The following ZGRF1 variants were observed in gnomAD, a reference collection of about 807,000 sequenced individuals.
The protein encoded by ZGRF1 is 5'-3' DNA helicase ZGRF1.
ZGRF1 carries 196 observed loss-of-function variants against 203.5 expected under a neutral mutation model. The observed-to-expected ratio is 0.96, with a 90% CI of 0.86 to 1.08. The LOEUF is 1.08. Ranked by LOEUF, ZGRF1 falls within the 50% of genes least tolerant of loss-of-function variation. ZGRF1 has a pLI of 0.00. For missense variants in ZGRF1, 2,326 were observed against 2,416.3 expected (o/e 0.96, Z 0.78); for synonymous variants, 809 against 841.3 (o/e 0.96, Z 0.66).
rs1470977707 is a variant in ZGRF1, at chr4:112,539,537, C to A, written c.*10G>T. ...TTTACATAAATACAAAATATTTACACCATGTCTTTTTATGAATGAGATTTA... is the reference window on the plus strand; with the variant it reads ...TTTACATAAATACAAAATATTTACAACATGTCTTTTTATGAATGAGATTTA... On this transcript the variant is annotated 3_prime_UTR_variant, in exon 28 of 28. Coordinates refer to ENST00000505019, the MANE Select transcript of ZGRF1 (RefSeq NM_018392.5). The A allele has an allele frequency of 4.9e-6, 6 of 1,227,796 alleles. No homozygotes were observed. Among genetic ancestry groups the A allele is most frequent in the Non-Finnish European group, 7.0e-6 (6 of 861,402 alleles). 76.1% of individuals were successfully genotyped at this position (1,227,796 alleles called of 1,614,324 possible).
At chr4:112,584,742 A>G (rs1287048246) in intron 14 of ZGRF1, among the ~76,000 whole-genome samples, 5 of 152,212 alleles carry the variant, frequency 3.3e-5, no homozygotes, top group African/African-American at 1.2e-4. Flanking sequence ...TTTGACACCT[A>G]AATTTAAATC....
At chr4:112,546,861 G>A (rs1738877955) in intron 24 of ZGRF1, 1 of 152,530 alleles carries the variant, frequency 6.6e-6, no homozygotes, top group Non-Finnish European at 1.5e-5. Context: ...AGAACTATAA[G>A]AAATAAATCT....
At chr4:112,543,486 C>T (rs910842088) in intron 24 of ZGRF1, among the ~76,000 whole-genome samples, 13 of 152,114 alleles carry the variant, frequency 8.5e-5, no homozygotes, top group Non-Finnish European at 1.6e-4. Flanking sequence ...TTCTACTCTG[C>T]GACTAAATCA....
chr4:112,598,348 G>A (rs1254578340), intron 10 of ZGRF1, among the ~76,000 whole-genome samples: 1 of 152,004 alleles, frequency 6.6e-6, no homozygotes, highest in East Asian at 1.9e-4. Flanking sequence ...TTTAAAAAGA[G>A]ACAATTATAA....
intron 10 of ZGRF1, among the ~76,000 whole-genome samples, chr4:112,595,564 A>G (rs1180998942): frequency 6.6e-6 from 1 of 151,998 alleles, no homozygotes; most frequent in Non-Finnish European, 1.5e-5. Context: ...ATAAATATAT[A>G]TGTTTGTGTG....
intron 5 of ZGRF1, 33 bp downstream of exon 5, chr4:112,619,969 T>C (rs1221408725): frequency 2.0e-6 from 3 of 1,472,004 alleles, no homozygotes; most frequent in Non-Finnish European, 2.7e-6. Context: ...TATAAATATA[T>C]TTTGATATAT....
In ZGRF1 at chr4:112,542,677, G is replaced by A. The variant is rs993831072; in HGVS notation, c.5599-1409C>T. Among the ~76,000 whole-genome samples the A allele has an allele frequency of 1.1e-4, 16 of 152,140 alleles. No individual in the cohort carries two copies. The Middle Eastern group carries it at 0.014, about 129-fold the overall frequency. Reference sequence around the variant, plus strand: ...GGCCTCAAACTCCTGGGGCTCACACGATCCTTCTGCCTCAGCTTCCTGAGT... The same window carrying A: ...GGCCTCAAACTCCTGGGGCTCACACAATCCTTCTGCCTCAGCTTCCTGAGT... On this transcript the variant is annotated intron_variant, in intron 24 of 27. Coordinates refer to ENST00000505019, the MANE Select transcript of ZGRF1 (RefSeq NM_018392.5).
intron 16 of ZGRF1, among the ~76,000 whole-genome samples, chr4:112,571,990 T>C (rs1399812782): frequency 1.3e-5 from 2 of 152,136 alleles, no homozygotes; most frequent in African/African-American, 4.8e-5. Flanking sequence ...CCTGATTATA[T>C]GACAGAGGTA....
In ZGRF1 at chr4:112,625,104, G is replaced by C. The variant is rs150748735; in HGVS notation, c.103-1228C>G. ...GAGGTTCAAGATCAATCCAGGGAAC[G>C]AAGCAAGACTCTATCTCTAAAAAAT... On this transcript the variant is annotated intron_variant, in intron 3 of 27. Transcript: ENST00000505019. 3.8e-3 allele frequency among the ~76,000 whole-genome samples: 582 copies of C among 152,228 alleles called. 7 individuals are homozygous for C. The highest frequency in any genetic ancestry group is 0.013 in the African/African-American group (552 of 41,540).
In ZGRF1 at chr4:112,587,895, G is replaced by T; in HGVS notation, c.3162C>A (p.Asn1054Lys). 1.3e-6 allele frequency: 2 copies of T among 1,539,868 alleles called. No individual in the cohort carries two copies. The highest frequency in any genetic ancestry group is 1.7e-6 in the Non-Finnish European group (2 of 1,143,716). The change falls in exon 12 of 28, where the codon AAC (asparagine) becomes AAA (lysine). Residue 1054 changes from asparagine to lysine, a missense_variant. Physicochemically the swap from Asn to Lys is moderately conservative, Grantham distance 94. Transcript: ENST00000505019. ...MKKSRSLENE[N>K]LQRLSLLSRT... The stretch of plus-strand genomic sequence containing the variant: ...TACTTAATAATGAAAGCCTTTGAAG[G>T]TTCTCATTCTCCAGAGAACGGGATT...
At position 112,617,802 on chromosome 4, in the gene ZGRF1, T is replaced by C. The variant is rs144854052; in HGVS notation, c.2240A>G (p.His747Arg). 5 of 1,613,826 alleles carry C rather than the reference T, an allele frequency of 3.1e-6. No individual in the cohort carries two copies. The highest frequency in any genetic ancestry group is 4.2e-6 in the Non-Finnish European group (5 of 1,179,866). ...TTTATCAAGTGCAATACATTCATAG[T>C]GATTCTGATTGGTATTTAATAGTTG... ...SVQLLNTNQN[H>R]YECIALDKSN... Residue 747 changes from histidine to arginine, a missense_variant, in exon 6 of 28, where the codon CAC (histidine) becomes CGC (arginine). Coordinates refer to ENST00000505019, the MANE Select transcript of ZGRF1 (RefSeq NM_018392.5).
chr4:112,619,951 G>A, intron 5 of ZGRF1, 51 bp downstream of exon 5: 1 of 1,396,634 alleles, frequency 7.2e-7, no homozygotes. Context: ...TACTTTTCGA[G>A]ACAATTTTAT....
At chr4:112,579,400 T>C (rs1417546537) in intron 16 of ZGRF1, among the ~76,000 whole-genome samples, 1 of 122,366 alleles carries the variant, frequency 8.2e-6, no homozygotes, top group Non-Finnish European at 1.8e-5. Flanking sequence ...CTATTCAACA[T>C]AGTGTTGGAA....
intron 10 of ZGRF1, among the ~76,000 whole-genome samples, 165 bp downstream of exon 10, chr4:112,603,359 A>C (rs1254430603): frequency 6.6e-6 from 1 of 152,250 alleles, no homozygotes; most frequent in African/African-American, 2.4e-5. Flanking sequence ...ACATCTTTCA[A>C]GTAAAATACT....
chr4:112,545,626 C>T (rs1337960156), intron 24 of ZGRF1, among the ~76,000 whole-genome samples: 1 of 152,112 alleles, frequency 6.6e-6, no homozygotes, highest in Non-Finnish European at 1.5e-5. Flanking sequence ...AATTATACTT[C>T]TGGGTATGTA....
At chr4:112,593,737 T>A (rs1033236935) in intron 10 of ZGRF1, among the ~76,000 whole-genome samples, 22 of 152,310 alleles carry the variant, frequency 1.4e-4, no homozygotes, top group Middle Eastern at 3.4e-3. Context: ...CTGTTGCCAA[T>A]GCTGGAGAAG....
At chr4:112,582,340 C>G (rs568984829) in intron 15 of ZGRF1, among the ~76,000 whole-genome samples, 2 of 150,812 alleles carry the variant, frequency 1.3e-5, no homozygotes, top group African/African-American at 4.9e-5. Flanking sequence ...TTCCCACCCC[C>G]TTTTCTTCCC....
At chr4:112,556,757 A>G (rs1741012834) in intron 20 of ZGRF1, among the ~76,000 whole-genome samples, 1 of 152,236 alleles carries the variant, frequency 6.6e-6, no homozygotes, top group Non-Finnish European at 1.5e-5. Context: ...AAATGTGTGC[A>G]TGTATATTTA....
In ZGRF1 at chr4:112,539,392, AC is replaced by A. The variant is rs1737090302; in HGVS notation, c.*154del. The A allele has an allele frequency of 2.2e-6, 1 of 458,540 alleles. No individual in the cohort carries two copies. The highest frequency in any genetic ancestry group is 3.7e-6 in the Non-Finnish European group (1 of 267,852). The allele number at this position is 458,540 out of a possible 1,614,324, so 28.4% of individuals were successfully genotyped here. A position where few individuals can be genotyped will look rare whatever the true frequency, so the allele number is the denominator to read the frequency against. ...TAGGATTTTATACTACCTTTTGTAC[AC>A]TTTTTTGAAGAACAAAATTTTTACA... On this transcript the variant is annotated 3_prime_UTR_variant, in exon 28 of 28. Coordinates refer to ENST00000505019, the MANE Select transcript of ZGRF1 (RefSeq NM_018392.5).
Sources: gnomAD v4.1 joint callset for allele counts (sites outside exome capture counted in the v4.1 genomes callset) on GRCh38, gnomAD v4.1.1 for gene constraint, MANE v1.5 for transcripts, NCBI Gene and HGNC (gene_info 2026-07-23, HGNC 2026-07-21) for gene names.